The following HPS4 variants were observed in gnomAD, a reference collection of about 807,000 sequenced individuals.
HPS4 encodes BLOC-3 complex member HPS4.
In HPS4, 44 loss-of-function variants were observed where a neutral mutation model predicts 70.3. The observed-to-expected ratio is 0.63, with a 90% CI of 0.49 to 0.80. HPS4 has a LOEUF of 0.80. Ranked by LOEUF, HPS4 falls within the 30% of genes least tolerant of loss-of-function variation. The probability of loss-of-function intolerance (pLI) is 0.00; values close to 1 mark genes in which losing one functional copy is unlikely to be tolerated. For synonymous variants in HPS4, 377 were observed against 355.9 expected, an observed-to-expected ratio of 1.06 and a Z score of -0.67; for missense variants, 873 against 884.4, an observed-to-expected ratio of 0.99 and a Z score of 0.16.
chr22:26,449,446 T>C (rs2085067370), downstream of HPS4, among the ~76,000 whole-genome samples: 1 of 151,672 alleles, frequency 6.6e-6, no homozygotes, highest in East Asian at 1.9e-4. Flanking sequence ...TTCTCCGGCT[T>C]CGGCCTCCCG....
chr22:26,470,946 C>G (rs2089706083), intron 6 of HPS4, 133 bp from the exon 7 acceptor site: 1 of 1,539,684 alleles, frequency 6.5e-7, no homozygotes. Context: ...ATGTGTCACA[C>G]AGTGAAAGCT....
At chr22:26,457,210 C>CTTTTT (rs1555889771) in intron 13 of HPS4, among the ~76,000 whole-genome samples, 1 of 25,554 alleles carries the variant, frequency 3.9e-5, no homozygotes, top group African/African-American at 7.5e-5. Flanking sequence ...GCACGTATTA[C>CTTTTT]TTTTTTTTTT....
intron 7 of HPS4, among the ~76,000 whole-genome samples, chr22:26,469,480 A>AG (rs1293016440): frequency 5.3e-5 from 8 of 151,876 alleles, no homozygotes; most frequent in Non-Finnish European, 4.4e-5. Flanking sequence ...TGAAGAAAGA[A>AG]GGGGGGCTTT....
intron 11 of HPS4, among the ~76,000 whole-genome samples, chr22:26,462,820 G>C (rs1159541183): frequency 6.6e-6 from 1 of 152,174 alleles, no homozygotes; most frequent in Non-Finnish European, 1.5e-5. Flanking sequence ...ATGGTGAATG[G>C]GGATACAGGA....
At position 26,464,658 on chromosome 22, in the gene HPS4, C is replaced by T. The variant is rs2088108558; in HGVS notation, c.972G>A (p.Glu324=). 1.9e-6 allele frequency: 3 copies of T among 1,612,260 alleles called. No individual in the cohort carries two copies. The highest frequency in any genetic ancestry group is 2.5e-6 in the Non-Finnish European group (3 of 1,178,496). ...GATCATGGCCAGACAAGCATCCGTT[C>T]TCCTTCCTGCCATCTGGACAAGCTT... The part of the protein sequence containing the change: ...PDEACPDGRK[E]NGCLSGHDLE... Residue 324 remains glutamate (E), a synonymous_variant, in exon 11 of 14, where the codon GAG becomes GAA. Coordinates refer to ENST00000398145, the MANE Select transcript of HPS4 (RefSeq NM_022081.6).
rs778872709 is a variant in HPS4, at chr22:26,481,725, G to A, written c.38C>T (p.Ser13Leu). The A allele has an allele frequency of 6.2e-6, 10 of 1,613,894 alleles. No homozygotes were observed. In the African/African-American group the frequency reaches 1.1e-4, roughly 17 times the overall value. The change falls in exon 2 of 14, where the codon TCG becomes TTG. Residue 13 changes from serine to leucine, a missense_variant. Transcript: ENST00000398145. Reference sequence around the variant, plus strand: ...CATGGCAGGCCTTGTTACTCACCACGAGGCTGACTTTGCCTCTGTGGAGGT... The same window carrying A: ...CATGGCAGGCCTTGTTACTCACCACAAGGCTGACTTTGCCTCTGTGGAGGT... ...TSTSTEAKSA[S>L]WWNYFFLYDG... is the part of the protein sequence containing the mutation.
chr22:26,443,309 C>G, downstream of HPS4: 1 of 934,476 alleles, frequency 1.1e-6, no homozygotes, highest in South Asian at 1.5e-5. Flanking sequence ...GCTCAGAAAC[C>G]TGCCTCAGCG....
In HPS4 at chr22:26,483,620, T is replaced by A. The variant is rs916691608; in HGVS notation, c.-479+54A>T. The stretch of plus-strand genomic sequence containing the variant: ...GATTAGGCGGGGTCGGGTCACGCTC[T>A]AAGCTGGGGGCCCGCCCCTCGGTAT... On this transcript the variant is annotated intron_variant, in intron 1 of 13. Transcript: ENST00000398145. 42 of 310,766 alleles carry A rather than the reference T, an allele frequency of 1.4e-4. 1 individual carries two copies. Among genetic ancestry groups the A allele is most frequent in the Non-Finnish European group, 2.0e-4 (35 of 171,558 alleles). The allele number at this position is 310,766 out of a possible 1,614,324, so 19.3% of individuals were successfully genotyped here. A position where few individuals can be genotyped will look rare whatever the true frequency, so the allele number is the denominator to read the frequency against.
downstream of HPS4, among the ~76,000 whole-genome samples, chr22:26,449,323 ATTTTTTTTTT>A (rs35895945): frequency 7.2e-5 from 6 of 83,324 alleles, no homozygotes; most frequent in Middle Eastern, 9.6e-3. Flanking sequence ...ACTCCCCTGC[ATTTTTTTTTT>A]TTTTTTTTTT....
At chr22:26,443,473 C>T (rs1422717340), downstream of HPS4, 2 of 415,252 alleles carry the variant, frequency 4.8e-6, no homozygotes, top group Non-Finnish European at 8.8e-6. Context: ...CAGCGCATTC[C>T]TTTGATTGGT....
At chr22:26,475,452 A>G (rs989356454) in intron 4 of HPS4, 1 of 148,862 alleles carries the variant, frequency 6.7e-6, no homozygotes, top group Non-Finnish European at 1.5e-5. Flanking sequence ...TCCCAGGTTC[A>G]AGAGAGTCTC....
Position 26,451,313 on chromosome 22 carries a change from C to A in HPS4, c.*1920G>T, listed in dbSNP as rs186245688. On this transcript the variant is annotated 3_prime_UTR_variant, in exon 14 of 14. Transcript: ENST00000398145. ...CTGAAACCTCTGAAATATTAAAAAACGGGAAAACAGCGGGTTAAGTGTTTC... is the reference window on the plus strand; with the variant it reads ...CTGAAACCTCTGAAATATTAAAAAAAGGGAAAACAGCGGGTTAAGTGTTTC... 6.6e-6 allele frequency among the ~76,000 whole-genome samples: 1 copy of A among 152,144 alleles called. No homozygotes were observed. Among genetic ancestry groups the A allele is most frequent in the Non-Finnish European group, 1.5e-5 (1 of 68,026 alleles).
At chr22:26,472,109 G>T (rs960188458) in intron 6 of HPS4, among the ~76,000 whole-genome samples, 193 bp downstream of exon 6, 31 of 152,190 alleles carry the variant, frequency 2.0e-4, no homozygotes, top group African/African-American at 7.2e-4. Context: ...AACAGTTCAA[G>T]AAGGCAGGTA....
At position 26,470,734 on chromosome 22, in the gene HPS4, A is replaced by G. The variant is rs1161301571; in HGVS notation, c.581T>C (p.Ile194Thr). 1.9e-6 allele frequency: 3 copies of G among 1,614,088 alleles called. No individual in the cohort carries two copies. The Admixed American group carries it at 5.0e-5, about 27-fold the overall frequency. Residue 194 changes from isoleucine (I) to threonine (T), a missense_variant, in exon 7 of 14, where the codon ATC (isoleucine) becomes ACC (threonine). Transcript: ENST00000398145. ...AGTTACTCACAGTCCTTTATAGAGG[A>G]TGCAGCCAGCGAGAATGTGAGGCGA... Reference protein sequence around the residue: ...QRSPHILAGCILYKGLIVSTQ... With the variant: ...QRSPHILAGCTLYKGLIVSTQ...
Position 26,464,729 on chromosome 22 carries a change from C to T in HPS4, c.901G>A (p.Val301Met). 1.3e-6 allele frequency: 2 copies of T among 1,597,750 alleles called. No individual in the cohort carries two copies. The highest frequency in any genetic ancestry group is 2.2e-5 in the South Asian group (2 of 89,022). Reference protein sequence around the residue: ...SALKENATGHVESMAWTTPDP... With the variant: ...SALKENATGHMESMAWTTPDP... ...GGGGTGGTCCAGGCCATGGATTCCA[C>T]ATGGCCAGTGGCGTTTTCTTTCAGG... Residue 301 changes from valine to methionine, a missense_variant, in exon 11 of 14, where the codon GTG (valine) becomes ATG (methionine). Coordinates refer to ENST00000398145, the MANE Select transcript of HPS4 (RefSeq NM_022081.6).
chr22:26,460,513 A>G (rs1432627051), intron 11 of HPS4, among the ~76,000 whole-genome samples: 1 of 152,274 alleles, frequency 6.6e-6, no homozygotes, highest in African/African-American at 2.4e-5. Flanking sequence ...GCTGGTGTCC[A>G]GAGGAAGAAA....
chr22:26,481,217 C>G lies in HPS4; in HGVS notation c.41+505G>C, dbSNP rs1217765072. On this transcript the variant is annotated intron_variant, in intron 2 of 13. Transcript: ENST00000398145. ...AATCAGTCACTAAATCCTGCTAATT[C>G]TAGCTAAACCTGCTTTTCACCTTCA... Among the ~76,000 whole-genome samples, 3 of 152,074 alleles carry G rather than the reference C, an allele frequency of 2.0e-5. No individual in the cohort carries two copies. The South Asian group carries it at 6.2e-4, about 31-fold the overall frequency.
intron 13 of HPS4, among the ~76,000 whole-genome samples, chr22:26,455,217 C>T (rs2085885154): frequency 1.3e-5 from 2 of 152,074 alleles, no homozygotes; most frequent in South Asian, 4.2e-4. Context: ...TTTGACCCAG[C>T]CAACCCATTA....
rs1345491999 is a variant in HPS4, at chr22:26,452,712, C to A, written c.*521G>T. ...GCTGCCGCTTCCCTGCAGGAACGAT[C>A]CGGACCTCCCAGCAAGAGCGCACTG... On this transcript the variant is annotated 3_prime_UTR_variant, in exon 14 of 14. Transcript: ENST00000398145. 7.9e-6 allele frequency: 2 copies of A among 253,648 alleles called. No individual in the cohort carries two copies. 15.7% of individuals were successfully genotyped at this position (253,648 alleles called of 1,614,324 possible).
Sources: gnomAD v4.1 joint callset for allele counts (sites outside exome capture counted in the v4.1 genomes callset) on GRCh38, gnomAD v4.1.1 for gene constraint, MANE v1.5 for transcripts, NCBI Gene and HGNC (gene_info 2026-07-23, HGNC 2026-07-21) for gene names.